The following SDK1 variants were observed in gnomAD, a reference collection of about 807,000 sequenced individuals.
SDK1 encodes the protein protein sidekick-1.
In SDK1, 157 loss-of-function variants were observed where a neutral mutation model predicts 245.5. The ratio of observed to expected loss-of-function variants is 0.64; its 90% CI spans 0.56 to 0.73. SDK1 has a LOEUF of 0.73. Among genes scored for constraint, SDK1 ranks in the 30% least tolerant of loss-of-function variants. The pLI is 0.00. For synonymous variants in SDK1, 1,647 were observed against 1,278.5 expected, an observed-to-expected ratio of 1.29 and a Z score of -6.15; for missense variants, 3,583 against 3,002.3, an observed-to-expected ratio of 1.19 and a Z score of -4.52.
intron 4 of SDK1, among the ~76,000 whole-genome samples, chr7:3,752,025 C>A (rs964851680): frequency 6.6e-6 from 1 of 152,188 alleles, no homozygotes; most frequent in Admixed American, 6.5e-5. Context: ...GAAAAGTACT[C>A]CTTTGGCCTT....
intron 39 of SDK1, among the ~76,000 whole-genome samples, chr7:4,220,890 C>G (rs1343068173): frequency 7.4e-6 from 1 of 135,462 alleles, no homozygotes; most frequent in Admixed American, 7.4e-5. Context: ...CCCCCACCCC[C>G]CACCCCGCCT....
chr7:4,262,747 C>T (rs1788108456), intron 44 of SDK1, among the ~76,000 whole-genome samples: 3 of 114,134 alleles, frequency 2.6e-5, no homozygotes, highest in South Asian at 8.2e-4. Context: ...CACACCCCAC[C>T]CCCTCCCCTC....
chr7:3,819,056 T>G (rs1180418671), intron 4 of SDK1, among the ~76,000 whole-genome samples: 1 of 152,222 alleles, frequency 6.6e-6, no homozygotes, highest in African/African-American at 2.4e-5. Context: ...TTACCAGAAT[T>G]TAAAATTAAG....
intron 1 of SDK1, among the ~76,000 whole-genome samples, chr7:3,539,140 T>G (rs754194271): frequency 7.2e-5 from 11 of 152,200 alleles, no homozygotes; most frequent in Non-Finnish European, 1.0e-4. Flanking sequence ...GCCACCTGTT[T>G]GCCAGGTTGG....
chr7:3,820,643 A>G (rs1460572038), intron 4 of SDK1, among the ~76,000 whole-genome samples: 1 of 152,184 alleles, frequency 6.6e-6, no homozygotes, highest in Non-Finnish European at 1.5e-5. Flanking sequence ...CTATGGTATG[A>G]TTGGATGAGT....
intron 25 of SDK1, 44 bp from the exon 26 acceptor site, chr7:4,127,337 A>T (rs762158325): frequency 3.6e-6 from 5 of 1,396,966 alleles, no homozygotes; most frequent in Non-Finnish European, 5.1e-6. Flanking sequence ...GTATGTAGAC[A>T]CTCTAGATTT....
At chr7:4,235,723 GT>G in intron 41 of SDK1, among the ~76,000 whole-genome samples, 1 of 152,298 alleles carries the variant, frequency 6.6e-6, no homozygotes, top group South Asian at 2.1e-4. Flanking sequence ...AGGGCCTGTG[GT>G]TCAGGCCTCT....
At chr7:3,473,492 C>T (rs1390014226) in intron 1 of SDK1, among the ~76,000 whole-genome samples, 1 of 151,992 alleles carries the variant, frequency 6.6e-6, no homozygotes, top group African/African-American at 2.4e-5. Context: ...TGGTTTAAAC[C>T]AGTAGTTTGT....
chr7:4,268,853 C>A lies in SDK1; in HGVS notation c.*3469C>A. ...CGCGTCACCTTCTGGTTTAGGGAGC[C>A]GTCAGGTCCCTAAACGTTCCCTACA... On this transcript the variant is annotated 3_prime_UTR_variant, in exon 45 of 45. Transcript: ENST00000404826. 1.3e-6 allele frequency: 1 copy of A among 758,400 alleles called. No individual in the cohort carries two copies. Among genetic ancestry groups the A allele is most frequent in the Non-Finnish European group, 2.1e-6 (1 of 483,878 alleles). 47.0% of individuals were successfully genotyped at this position (758,400 alleles called of 1,614,324 possible). A position where few individuals can be genotyped will look rare whatever the true frequency, so the allele number is the denominator to read the frequency against.
intron 5 of SDK1, among the ~76,000 whole-genome samples, chr7:3,883,566 G>A (rs1781258615): frequency 6.6e-6 from 1 of 152,178 alleles, no homozygotes; most frequent in Admixed American, 6.5e-5. Context: ...ACCAACAGAA[G>A]ACTTTGAGCT....
intron 13 of SDK1, 74 bp from the exon 14 acceptor site, chr7:3,987,112 T>C: frequency 4.0e-6 from 6 of 1,488,008 alleles, no homozygotes; most frequent in Non-Finnish European, 5.6e-6. Flanking sequence ...GACGGTCTGC[T>C]GTAAGAGCTC....
chr7:3,846,608 A>G (rs1348216640), intron 5 of SDK1, among the ~76,000 whole-genome samples: 1 of 152,138 alleles, frequency 6.6e-6, no homozygotes, highest in Non-Finnish European at 1.5e-5. Context: ...ATGTGGACTC[A>G]TTCTTATTTA....
chr7:3,346,433 C>T (rs1015216834), intron 1 of SDK1, among the ~76,000 whole-genome samples: 1 of 152,110 alleles, frequency 6.6e-6, no homozygotes, highest in Non-Finnish European at 1.5e-5. Flanking sequence ...TGGTCCTGAT[C>T]GATGAAGCTA....
At chr7:3,531,578 G>A (rs546789055) in intron 1 of SDK1, among the ~76,000 whole-genome samples, 1 of 152,098 alleles carries the variant, frequency 6.6e-6, no homozygotes, top group South Asian at 2.1e-4. Context: ...CACTACCTAA[G>A]TATGTCTCAG....
chr7:3,729,647 G>GTA (rs1160638012), intron 4 of SDK1, among the ~76,000 whole-genome samples: 1 of 152,124 alleles, frequency 6.6e-6, no homozygotes. Flanking sequence ...GAGGCATGTT[G>GTA]TATATATACT....
intron 19 of SDK1, among the ~76,000 whole-genome samples, chr7:4,066,781 C>T (rs774206735): frequency 6.6e-5 from 10 of 152,216 alleles, no homozygotes; most frequent in Non-Finnish European, 1.0e-4. Context: ...CGGCCAGCAG[C>T]GACTTGCTGT....
At chr7:4,180,378 T>C (rs190429628) in intron 35 of SDK1, among the ~76,000 whole-genome samples, 4,889 of 71,460 alleles carry the variant, frequency 0.068, 222 homozygotes, top group African/African-American at 0.17. Context: ...GCCCAGCGCC[T>C]GGCTCCAGCT....
chr7:3,904,001 C>G (rs985315034), intron 5 of SDK1, among the ~76,000 whole-genome samples: 1 of 152,144 alleles, frequency 6.6e-6, no homozygotes, highest in African/African-American at 2.4e-5. Context: ...GCCTGAGGCC[C>G]TCACCACATG....
At position 3,368,667 on chromosome 7, in the gene SDK1, A is replaced by T. The variant is rs540585935; in HGVS notation, c.298+66783A>T. Among the ~76,000 whole-genome samples, 3 of 152,228 alleles carry T rather than the reference A, an allele frequency of 2.0e-5. 1 individual carries two copies. The highest frequency in any genetic ancestry group is 7.2e-5 in the African/African-American group (3 of 41,544). ...GTGCCCTGGGGATCTTTATGTGCCC[A>T]TTTGTCATTTTCACTTCTAGAAGTG... is the stretch of plus-strand genomic sequence containing the variant. On this transcript the variant is annotated intron_variant, in intron 1 of 44. Coordinates refer to ENST00000404826, the MANE Select transcript of SDK1 (RefSeq NM_152744.4).
Sources: gnomAD v4.1 joint callset for allele counts (sites outside exome capture counted in the v4.1 genomes callset) on GRCh38, gnomAD v4.1.1 for gene constraint, MANE v1.5 for transcripts, NCBI Gene and HGNC (gene_info 2026-07-23, HGNC 2026-07-21) for gene names.